Variants in NFIB observed in about 807,000 individuals in gnomAD.
NFIB encodes the protein nuclear factor 1 B-type.
In NFIB, 11 loss-of-function variants were observed where a neutral mutation model predicts 61.5. The ratio of observed to expected loss-of-function variants is 0.18; its 90% CI spans 0.11 to 0.30. The LOEUF is 0.30. NFIB is among the 10% of genes least tolerant of loss of function. The pLI, the probability that NFIB is intolerant of heterozygous loss-of-function variation, is 1.00. For missense variants in NFIB, 471 were observed against 608.9 expected (o/e 0.77, Z 2.38); for synonymous variants, 260 against 216.5 (o/e 1.20, Z -1.76).
At chr9:14,171,800 G>A (rs1399910654) in intron 3 of NFIB, among the ~76,000 whole-genome samples, 4 of 152,254 alleles carry the variant, frequency 2.6e-5, no homozygotes, top group East Asian at 3.9e-4. Flanking sequence ...AAACATGTCC[G>A]AAAAGTAGTT....
chr9:14,213,725 C>T (rs1460689576), intron 2 of NFIB, among the ~76,000 whole-genome samples: 2 of 152,158 alleles, frequency 1.3e-5, no homozygotes, highest in Non-Finnish European at 2.9e-5. Context: ...ATGTGGACAC[C>T]CAGGTCTCCA....
At chr9:14,467,119 G>T in the NFIB span, among the ~76,000 whole-genome samples, 1 of 152,210 alleles carries the variant, frequency 6.6e-6, no homozygotes, top group African/African-American at 2.4e-5. Context: ...GTGTTGGGTG[G>T]TGGGGGAATA....
At chr9:14,145,975 C>G (rs762047780) in intron 6 of NFIB, among the ~76,000 whole-genome samples, 6 of 152,064 alleles carry the variant, frequency 3.9e-5, no homozygotes, top group Non-Finnish European at 8.8e-5. Flanking sequence ...CCAACAAAAA[C>G]TTCAGTTAGC....
chr9:14,129,471 AAAAGT>A (rs1454462431), intron 6 of NFIB, among the ~76,000 whole-genome samples: 2 of 151,930 alleles, frequency 1.3e-5, no homozygotes, highest in Non-Finnish European at 2.9e-5. Context: ...TATCTGGGGA[AAAAGT>A]AAAGATAGAG....
chr9:14,116,589 C>A (rs936239715), intron 8 of NFIB, among the ~76,000 whole-genome samples: 9 of 152,196 alleles, frequency 5.9e-5, no homozygotes, highest in East Asian at 3.9e-4. Context: ...CTCTTTACAG[C>A]ACCCCTGAGA....
upstream of NFIB, among the ~76,000 whole-genome samples, chr9:14,400,003 G>A (rs1383964509): frequency 2.0e-5 from 3 of 151,808 alleles, no homozygotes; most frequent in African/African-American, 7.3e-5. Context: ...CTAATCAGCT[G>A]TAACAAACAA....
At chr9:14,258,831 TA>T (rs1356104480) in intron 2 of NFIB, among the ~76,000 whole-genome samples, 1 of 152,230 alleles carries the variant, frequency 6.6e-6, no homozygotes, top group Non-Finnish European at 1.5e-5. Flanking sequence ...CACACATGTA[TA>T]CGTGCACACA....
chr9:14,195,846 G>T (rs972266353), intron 2 of NFIB, among the ~76,000 whole-genome samples: 1 of 151,948 alleles, frequency 6.6e-6, no homozygotes, highest in Non-Finnish European at 1.5e-5. Context: ...TCTAGTAAGG[G>T]CATTGGGAGG....
At chr9:14,300,145 T>C in intron 2 of NFIB, 1 of 398,182 alleles carries the variant, frequency 2.5e-6, no homozygotes, top group Non-Finnish European at 4.4e-6. Flanking sequence ...AAAACTGGAG[T>C]TCAAGGTCCC....
chr9:14,089,592 A>G (rs1346708494), intron 10 of NFIB, among the ~76,000 whole-genome samples: 1 of 152,140 alleles, frequency 6.6e-6, no homozygotes, highest in Non-Finnish European at 1.5e-5. Flanking sequence ...GAACCAAGAA[A>G]ACATCAAACT....
chr9:14,167,555 C>A (rs968767191), intron 3 of NFIB, among the ~76,000 whole-genome samples: 2 of 151,996 alleles, frequency 1.3e-5, no homozygotes, highest in African/African-American at 4.8e-5. Flanking sequence ...CAAACAAACA[C>A]ATATGTCAAA....
In NFIB at chr9:14,150,238, T is replaced by G; in HGVS notation, c.713A>C (p.Asn238Thr). 1 of 1,613,464 alleles carries G rather than the reference T, an allele frequency of 6.2e-7. No homozygotes were observed. ...RTPITQGTGV[N>T]FPIGEIPSQP... is the part of the protein sequence containing the mutation. ...GCTTGGGATTTCTCCAATTGGGAAG[T>G]TGACTCCAGTTCCCTGGGTTATGGG... The change falls in exon 5 of 11, where the codon AAC becomes ACC. Residue 238 changes from asparagine (N) to threonine (T), a missense_variant. This residue lies in a region of NFIB where 372 missense variants were observed against 395.6 expected (regional missense o/e 0.94). Transcript: ENST00000380953.
intron 2 of NFIB, among the ~76,000 whole-genome samples, chr9:14,293,370 T>G (rs2059223226): frequency 6.6e-6 from 1 of 152,230 alleles, no homozygotes; most frequent in African/African-American, 2.4e-5. Context: ...CAATCTGTCC[T>G]AGAATTGAAC....
chr9:14,295,389 GC>G (rs1186475694), intron 2 of NFIB, among the ~76,000 whole-genome samples: 8 of 152,048 alleles, frequency 5.3e-5, no homozygotes, highest in East Asian at 1.9e-4. Context: ...ACTTTGGGAG[GC>G]CCAAGGCGGG....
chr9:14,502,913 T>C, the NFIB span, among the ~76,000 whole-genome samples: 1 of 152,036 alleles, frequency 6.6e-6, no homozygotes, highest in African/African-American at 2.4e-5. Context: ...ATCCATTGTA[T>C]CATTCTTATG....
chr9:14,482,640 C>A, the NFIB span, among the ~76,000 whole-genome samples: 1 of 152,166 alleles, frequency 6.6e-6, no homozygotes, highest in Admixed American at 6.5e-5. Context: ...CAGTTACAGC[C>A]CCTGCTAATG....
At chr9:14,301,945 T>A (rs767443281) in intron 2 of NFIB, among the ~76,000 whole-genome samples, 56 of 152,304 alleles carry the variant, frequency 3.7e-4, no homozygotes, top group Non-Finnish European at 7.1e-4. Context: ...GCACTAGAGT[T>A]CACAAGTTCA....
chr9:14,178,945 G>A (rs924079119), intron 3 of NFIB, among the ~76,000 whole-genome samples: 6 of 152,138 alleles, frequency 3.9e-5, no homozygotes, highest in South Asian at 2.1e-4. Flanking sequence ...TAGCTGGTTC[G>A]GGGTTTTTGT....
intron 2 of NFIB, among the ~76,000 whole-genome samples, chr9:14,196,509 A>G (rs1195656488): frequency 1.3e-5 from 2 of 152,072 alleles, no homozygotes; most frequent in Non-Finnish European, 2.9e-5. Flanking sequence ...CACACTGGAC[A>G]CCTGAGAAGC....
Sources: allele counts gnomAD v4.1 joint callset (sites outside exome capture counted in the v4.1 genomes callset), GRCh38; gene constraint gnomAD v4.1.1; regional missense constraint gnomAD v4.1.1; transcripts MANE v1.5; gene names NCBI Gene and HGNC (gene_info 2026-07-23, HGNC 2026-07-21).